The following CACNA1S variants were observed in gnomAD, a reference collection of about 807,000 sequenced individuals.
CACNA1S encodes calcium voltage-gated channel subunit alpha1 S, also known as voltage-dependent L-type calcium channel subunit alpha-1S.
In CACNA1S, 126 loss-of-function variants were observed where a neutral mutation model predicts 207.4. The observed-to-expected ratio is 0.61, with a 90% CI of 0.53 to 0.70. CACNA1S has a LOEUF of 0.70. Ranked by LOEUF, CACNA1S falls within the 30% of genes least tolerant of loss-of-function variation. The pLI, the probability that CACNA1S is intolerant of heterozygous loss-of-function variation, is 0.00. For missense variants in CACNA1S, 2,349 were observed against 2,422.8 expected (o/e 0.97, Z 0.64); for synonymous variants, 960 against 932.7 (o/e 1.03, Z -0.53).
intron 13 of CACNA1S, 87 bp from the exon 14 acceptor site, chr1:201,074,707 A>T: frequency 1.3e-6 from 1 of 757,156 alleles, no homozygotes; most frequent in Admixed American, 2.3e-5. Context: ...TGTGGGCAGG[A>T]CCTAACCCCA....
intron 36 of CACNA1S, among the ~76,000 whole-genome samples, chr1:201,048,340 C>T (rs535415896): frequency 1.3e-5 from 2 of 152,316 alleles, no homozygotes; most frequent in East Asian, 3.9e-4. Context: ...CCTTCTCTGG[C>T]CCCCAGACAC....
chr1:201,055,829 C>T (rs969936987), intron 28 of CACNA1S, among the ~76,000 whole-genome samples: 2 of 152,192 alleles, frequency 1.3e-5, no homozygotes, highest in African/African-American at 4.8e-5. Flanking sequence ...CCCTCCTGGC[C>T]TCCACCACCA....
chr1:201,103,821 G>A lies in CACNA1S; in HGVS notation c.258+6343C>T, dbSNP rs77684546. Among the ~76,000 whole-genome samples the A allele has an allele frequency of 4.1e-3, 624 of 152,254 alleles. 4 individuals are homozygous for A. Among genetic ancestry groups the A allele is most frequent in the African/African-American group, 0.015 (605 of 41,556 alleles). On this transcript the variant is annotated intron_variant, in intron 2 of 43. Coordinates refer to ENST00000362061, the MANE Select transcript of CACNA1S (RefSeq NM_000069.3). ...TTCCAGACCCTATAAAAAGACAAAC[G>A]CCCTGGCTGCCAGAGGCTTAGGCTC... is the stretch of plus-strand genomic sequence containing the variant.
chr1:201,058,407 C>T lies in CACNA1S; in HGVS notation c.3609+1G>A, dbSNP rs754831666. 6.2e-6 allele frequency: 10 copies of T among 1,613,466 alleles called. No homozygotes were observed. The highest frequency in any genetic ancestry group is 2.2e-5 in the East Asian group (1 of 44,894). On this transcript the variant is annotated splice_donor_variant, in intron 28 of 43. Transcript: ENST00000362061. LOFTEE classifies it high-confidence loss of function. ...GATGGCTCTGCCTGCCTGATACTCA[C>T]GTCGATCTCACTGAGGATGACATCA...
chr1:201,040,246 G>C lies in CACNA1S; in HGVS notation c.5355C>G (p.Ala1785=), dbSNP rs1368144661. 1.9e-6 allele frequency: 3 copies of C among 1,613,534 alleles called. No individual in the cohort carries two copies. Among genetic ancestry groups the C allele is most frequent in the Non-Finnish European group, 8.5e-7 (1 of 1,180,024 alleles). ...CCTGGCTCACCTTTTGGATCAGCAG[G>C]GCTGTAGCTGGTGCTGAGCACCTGG... is the stretch of plus-strand genomic sequence containing the variant. The part of the protein sequence containing the change: ...NTSRCSAPAT[A]LLIQKALVRG... The change falls in exon 43 of 44, where the codon GCC becomes GCG. Residue 1785 remains alanine (A), a synonymous_variant. Coordinates refer to ENST00000362061, the MANE Select transcript of CACNA1S (RefSeq NM_000069.3).
intron 2 of CACNA1S, among the ~76,000 whole-genome samples, chr1:201,096,457 C>G (rs1423789452): frequency 6.6e-6 from 1 of 152,218 alleles, no homozygotes; most frequent in Non-Finnish European, 1.5e-5. Context: ...AGTCATTCCA[C>G]AGATATTTAT....
rs772991066 is a variant in CACNA1S at position 201,049,106 on chromosome 1, G to A, written c.4242-7C>T. ...CAGGTGTTTGATTCTCCCCCTGCGG[G>A]AGGACACACAGACTTGTGTACCTGC... On this transcript the variant is annotated splice_region_variant and splice_polypyrimidine_tract_variant and intron_variant, in intron 34 of 43. Transcript: ENST00000362061. 28 of 1,601,812 alleles carry A rather than the reference G, an allele frequency of 1.7e-5. No individual in the cohort carries two copies. The highest frequency in any genetic ancestry group is 2.4e-5 in the Non-Finnish European group (28 of 1,172,370).
In CACNA1S at chr1:201,048,639, T is replaced by C; in HGVS notation, c.4384A>G (p.Thr1462Ala). ...AGGGCAAAGAGTGTGGCATTGAAGG[T>C]GACTGTGCCGTCGCTGTTCAGGGGC... ...NMPLNSDGTV[T>A]FNATLFALVR... The change falls in exon 36 of 44, where the codon ACC (threonine) becomes GCC (alanine). Residue 1462 changes from threonine (T) to alanine (A), a missense_variant. Thr to Ala is a moderately conservative substitution (Grantham distance 58). Coordinates refer to ENST00000362061, the MANE Select transcript of CACNA1S (RefSeq NM_000069.3). 6.2e-7 allele frequency: 1 copy of C among 1,613,900 alleles called. No homozygotes were observed. Among genetic ancestry groups the C allele is most frequent in the Non-Finnish European group, 8.5e-7 (1 of 1,180,038 alleles).
intron 27 of CACNA1S, 125 bp from the exon 28 acceptor site, chr1:201,058,616 C>A (rs1342627746): frequency 2.7e-5 from 20 of 737,276 alleles, no homozygotes; most frequent in Non-Finnish European, 4.9e-5. Flanking sequence ...AGGTGGGGTG[C>A]CCATGACTCC....
chr1:201,082,177 T>C (rs552987649), intron 10 of CACNA1S, among the ~76,000 whole-genome samples: 30 of 151,968 alleles, frequency 2.0e-4, no homozygotes, highest in Non-Finnish European at 4.0e-4. Context: ...TACGGGTGCA[T>C]GCCACCACGC....
At chr1:201,050,789 G>T (rs950862797) in intron 33 of CACNA1S, among the ~76,000 whole-genome samples, 195 bp downstream of exon 33, 7 of 152,054 alleles carry the variant, frequency 4.6e-5, no homozygotes, top group Non-Finnish European at 1.0e-4. Context: ...AGCCTCTCTG[G>T]AGTATGAAAA....
At chr1:201,049,650 C>T (rs1660588374) in intron 34 of CACNA1S, among the ~76,000 whole-genome samples, 1 of 152,182 alleles carries the variant, frequency 6.6e-6, no homozygotes, top group South Asian at 2.1e-4. Context: ...CTGGCTTCCT[C>T]TTTTCTTTGA....
chr1:201,081,443 C>T (rs1661836028), intron 10 of CACNA1S, among the ~76,000 whole-genome samples: 1 of 152,244 alleles, frequency 6.6e-6, no homozygotes, highest in Non-Finnish European at 1.5e-5. Flanking sequence ...GTATCCTACT[C>T]GTCTCACGGT....
At chr1:201,048,515 G>T in intron 36 of CACNA1S, 67 bp downstream of exon 36, 2 of 1,299,680 alleles carry the variant, frequency 1.5e-6, no homozygotes, top group South Asian at 1.2e-5. Context: ...CTGAGAATCT[G>T]GCAGAATCTG....
intron 2 of CACNA1S, among the ~76,000 whole-genome samples, chr1:201,104,876 C>A (rs1218753043): frequency 6.6e-6 from 1 of 152,218 alleles, no homozygotes; most frequent in Non-Finnish European, 1.5e-5. Context: ...CCCACAGAGC[C>A]ACCTGGGCAT....
At chr1:201,054,344 C>T (rs1660759231) in intron 29 of CACNA1S, among the ~76,000 whole-genome samples, 161 bp downstream of exon 29, 1 of 152,168 alleles carries the variant, frequency 6.6e-6, no homozygotes, top group Non-Finnish European at 1.5e-5. Flanking sequence ...AGCCTCTGCC[C>T]CCACCCGAGC....
Position 201,039,680 on chromosome 1 carries a change from G to A in CACNA1S, c.*151C>T. 2.0e-6 allele frequency: 2 copies of A among 988,226 alleles called. No individual in the cohort carries two copies. Among genetic ancestry groups the A allele is most frequent in the East Asian group, 2.5e-5 (1 of 39,842 alleles). 61.2% of individuals were successfully genotyped at this position (988,226 alleles called of 1,614,324 possible). On this transcript the variant is annotated 3_prime_UTR_variant, in exon 44 of 44. Transcript: ENST00000362061. ...CAGCTACTTCCTCCGCACTTTTTGA[G>A]GTGGTTCCTGACCACCCTGCCTCAG...
At chr1:201,077,490 T>C (rs998702155) in intron 11 of CACNA1S, among the ~76,000 whole-genome samples, 3 of 152,154 alleles carry the variant, frequency 2.0e-5, no homozygotes, top group African/African-American at 7.2e-5. Context: ...GATGAACCTC[T>C]CTCCACTTCC....
chr1:201,099,075 T>G (rs1285897185), intron 2 of CACNA1S, among the ~76,000 whole-genome samples: 20 of 152,228 alleles, frequency 1.3e-4, no homozygotes, highest in Admixed American at 1.3e-3. Flanking sequence ...ATTTTCAGGC[T>G]GAGTCTGCTA....
Sources: allele counts gnomAD v4.1 joint callset (sites outside exome capture counted in the v4.1 genomes callset), GRCh38; gene constraint gnomAD v4.1.1; transcripts MANE v1.5; gene names NCBI Gene and HGNC (gene_info 2026-07-23, HGNC 2026-07-21).